The following YME1L1 variants were observed in gnomAD, a reference collection of about 807,000 sequenced individuals.
YME1L1 encodes the protein ATP-dependent zinc metalloprotease YME1L1.
YME1L1 carries 39 observed loss-of-function variants against 90.4 expected under a neutral mutation model. The observed-to-expected ratio is 0.43, with a 90% CI of 0.33 to 0.56. YME1L1 has a LOEUF of 0.56. YME1L1 is among the 20% of genes least tolerant of loss of function. YME1L1 has a pLI of 0.03. For synonymous variants in YME1L1, 284 were observed against 287.3 expected (o/e 0.99, Z 0.12); for missense variants, 617 against 868.4 (o/e 0.71, Z 3.64).
chr10:27,131,722 C>T, intron 8 of YME1L1, 137 bp downstream of exon 8: 2 of 612,784 alleles, frequency 3.3e-6, no homozygotes, highest in South Asian at 3.1e-5. Flanking sequence ...ATTATTTATC[C>T]CAAAATACTA....
Position 27,123,664 on chromosome 10 carries a change from T to A in YME1L1, c.985A>T (p.Thr329Ser). Reference protein sequence around the residue: ...LLVGPPGTGKTLLARAVAGEA... With the variant: ...LLVGPPGTGKSLLARAVAGEA... ...CCCGCCACAGCTCGGGCAAGAAGTG[T>A]CTTTCCAGTCCCTGGGGGTCCAACT... Residue 329 changes from threonine (T) to serine (S), a missense_variant, in exon 10 of 19, where the codon ACA (threonine) becomes TCA (serine). Transcript: ENST00000376016. The A allele has an allele frequency of 6.2e-7, 1 of 1,613,532 alleles. No individual in the cohort carries two copies. The highest frequency in any genetic ancestry group is 8.5e-7 in the Non-Finnish European group (1 of 1,179,700).
intron 3 of YME1L1, among the ~76,000 whole-genome samples, chr10:27,144,354 G>A (rs1341597035): frequency 6.6e-6 from 1 of 152,046 alleles, no homozygotes; most frequent in Non-Finnish European, 1.5e-5. Flanking sequence ...GGTTTTTTAT[G>A]CCCTTACACT....
intron 3 of YME1L1, among the ~76,000 whole-genome samples, chr10:27,143,830 A>T (rs575821649): frequency 6.6e-6 from 1 of 152,308 alleles, no homozygotes; most frequent in African/African-American, 2.4e-5. Flanking sequence ...AACACTGTGA[A>T]TCATAGCTAC....
chr10:27,118,510 A>G (rs1341722790), intron 14 of YME1L1, among the ~76,000 whole-genome samples: 10 of 151,704 alleles, frequency 6.6e-5, no homozygotes, highest in Non-Finnish European at 1.5e-4. Flanking sequence ...TTGAACTCCA[A>G]CGATTCTGGG....
intron 3 of YME1L1, among the ~76,000 whole-genome samples, chr10:27,142,750 C>T (rs2057101953): frequency 6.7e-6 from 1 of 149,178 alleles, no homozygotes; most frequent in African/African-American, 2.4e-5. Context: ...GAGTCCCGCT[C>T]TGTCGCCCAG....
At position 27,136,531 on chromosome 10, in the gene YME1L1, C is replaced by G. The variant is rs1253069594; in HGVS notation, c.431-146G>C. ...TCAATACGTTTTCCTTTGTTTCCTT[C>G]TTTTTTGTAGAGACGGGGTCTCCTT... is the stretch of plus-strand genomic sequence containing the variant. On this transcript the variant is annotated intron_variant, in intron 4 of 18. Coordinates refer to ENST00000376016, the MANE Select transcript of YME1L1 (RefSeq NM_014263.4). The G allele has an allele frequency of 4.3e-6, 3 of 692,530 alleles. No homozygotes were observed. In the East Asian group the frequency reaches 8.2e-5, roughly 19 times the overall value. The allele number at this position is 692,530 out of a possible 1,614,324, so 42.9% of individuals were successfully genotyped here.
chr10:27,126,829 C>T lies in YME1L1; in HGVS notation c.859-43G>A, dbSNP rs1269488523. On this transcript the variant is annotated intron_variant, in intron 8 of 18. Coordinates refer to ENST00000376016, the MANE Select transcript of YME1L1 (RefSeq NM_014263.4). ...TCCAAATAACTTTAGATAATGGACACGTTTGGTTAGATTATCAAGGCTTCC... is the reference window on the plus strand; with the variant it reads ...TCCAAATAACTTTAGATAATGGACATGTTTGGTTAGATTATCAAGGCTTCC... The T allele has an allele frequency of 2.3e-5, 27 of 1,174,916 alleles. No homozygotes were observed. The East Asian group carries it at 6.0e-4, about 26-fold the overall frequency. 72.8% of individuals were successfully genotyped at this position (1,174,916 alleles called of 1,614,324 possible). A position where few individuals can be genotyped will look rare whatever the true frequency, so the allele number is the denominator to read the frequency against.
At chr10:27,123,123 A>G in intron 10 of YME1L1, 150 bp from the exon 11 acceptor site, 1 of 975,308 alleles carries the variant, frequency 1.0e-6, no homozygotes, top group Non-Finnish European at 1.5e-6. Context: ...TGACTTAAAA[A>G]TAGTATCTTC....
At chr10:27,125,686 C>T (rs1042089207) in intron 9 of YME1L1, among the ~76,000 whole-genome samples, 8 of 150,078 alleles carry the variant, frequency 5.3e-5, no homozygotes, top group Non-Finnish European at 7.4e-5. Context: ...GTCACCCAGA[C>T]TGGAGTGCAG....
intron 13 of YME1L1, 128 bp downstream of exon 13, chr10:27,120,307 T>TG (rs2056853635): frequency 1.6e-6 from 1 of 645,046 alleles, no homozygotes; most frequent in Non-Finnish European, 2.6e-6. Flanking sequence ...AACATACTAA[T>TG]GGAAAAAAAA....
chr10:27,148,105 G>A (rs889635171), intron 2 of YME1L1, among the ~76,000 whole-genome samples: 1 of 151,712 alleles, frequency 6.6e-6, no homozygotes, highest in Non-Finnish European at 1.5e-5. Flanking sequence ...TTTTTTAAGA[G>A]TTTTATTTAC....
At chr10:27,130,343 C>A (rs1231283071) in intron 8 of YME1L1, among the ~76,000 whole-genome samples, 1 of 152,214 alleles carries the variant, frequency 6.6e-6, no homozygotes, top group Non-Finnish European at 1.5e-5. Context: ...AATCTCTCTT[C>A]TGGTTACACT....
At chr10:27,153,285 G>A (rs972033187) in intron 1 of YME1L1, 3 of 469,214 alleles carry the variant, frequency 6.4e-6, no homozygotes, top group Non-Finnish European at 1.3e-5. Context: ...GCCAGTACTA[G>A]CACAAAAAAT....
At position 27,140,785 on chromosome 10, in the gene YME1L1, G is replaced by T. The variant is rs573758735; in HGVS notation, c.430+1602C>A. Among the ~76,000 whole-genome samples, 13 of 152,154 alleles carry T rather than the reference G, an allele frequency of 8.5e-5. No individual in the cohort carries two copies. The South Asian group carries it at 2.1e-3, about 24-fold the overall frequency. On this transcript the variant is annotated intron_variant, in intron 4 of 18. Transcript: ENST00000376016. ...AGCCACTGTGCCTGGCCGTATTTAG[G>T]TATTTTTTTAAGCTGTCTTTTCTGT...
intron 8 of YME1L1, among the ~76,000 whole-genome samples, chr10:27,128,585 C>A (rs1339422602): frequency 2.0e-5 from 3 of 151,452 alleles, no homozygotes; most frequent in African/African-American, 7.3e-5. Context: ...CGCTCCCCCA[C>A]CCCCCAAAAA....
chr10:27,148,787 C>T, intron 2 of YME1L1, 119 bp downstream of exon 2: 1 of 1,367,876 alleles, frequency 7.3e-7, no homozygotes, highest in Non-Finnish European at 1.0e-6. Context: ...TCTCAGGAGT[C>T]AAAAATTATA....
chr10:27,141,833 C>A (rs1348475912), intron 4 of YME1L1, among the ~76,000 whole-genome samples: 1 of 152,136 alleles, frequency 6.6e-6, no homozygotes, highest in Non-Finnish European at 1.5e-5. Flanking sequence ...AAGTACTCAC[C>A]TCTTTCATGA....
Position 27,119,497 on chromosome 10 carries a change from A to T in YME1L1, c.1412-48T>A, listed in dbSNP as rs767123672. ...CGCTAATAAGTCTAAAACAGGTAAA[A>T]GAAAGCTCTTCACAAAGAACTCACA... On this transcript the variant is annotated intron_variant, in intron 13 of 18. Coordinates refer to ENST00000376016, the MANE Select transcript of YME1L1 (RefSeq NM_014263.4). The T allele has an allele frequency of 2.6e-6, 4 of 1,556,644 alleles. No homozygotes were observed. The Admixed American group carries it at 8.3e-5, about 32-fold the overall frequency.
intron 1 of YME1L1, 101 bp from the exon 2 acceptor site, chr10:27,149,141 T>C (rs1266413475): frequency 8.7e-6 from 9 of 1,038,958 alleles, no homozygotes; most frequent in Non-Finnish European, 1.3e-5. Context: ...AGGTACATTA[T>C]ATATCAACTC....
Sources: allele counts gnomAD v4.1 joint callset (sites outside exome capture counted in the v4.1 genomes callset), GRCh38; gene constraint gnomAD v4.1.1; transcripts MANE v1.5; gene names NCBI Gene and HGNC (gene_info 2026-07-23, HGNC 2026-07-21).